SGCG: variants seen among roughly 807,000 people sequenced by gnomAD.
The protein encoded by SGCG is gamma-sarcoglycan.
SGCG carries 26 observed loss-of-function variants against 29.3 expected under a neutral mutation model. The ratio of observed to expected loss-of-function variants is 0.89; its 90% CI spans 0.65 to 1.23. SGCG has a LOEUF of 1.23. Ranked by LOEUF, SGCG falls within the 50% of genes most tolerant of loss-of-function variation. The pLI, the probability that SGCG is intolerant of heterozygous loss-of-function variation, is 0.00. For missense variants in SGCG, 353 were observed against 356.0 expected, an observed-to-expected ratio of 0.99 and a Z score of 0.07; for synonymous variants, 145 against 129.7, an observed-to-expected ratio of 1.12 and a Z score of -0.80.
intron 5 of SGCG, among the ~76,000 whole-genome samples, chr13:23,286,560 C>A (rs1419410244): frequency 6.6e-6 from 1 of 152,212 alleles, no homozygotes; most frequent in South Asian, 2.1e-4. Context: ...CCAGGGGATA[C>A]CTCAAGCTGC....
Position 23,251,693 on chromosome 13 carries a change from G to A in SGCG, c.385+976G>A, listed in dbSNP as rs530326227. Among the ~76,000 whole-genome samples the A allele has an allele frequency of 5.9e-5, 9 of 152,180 alleles. No individual in the cohort carries two copies. In the East Asian group the frequency reaches 1.2e-3, roughly 20 times the overall value. On this transcript the variant is annotated intron_variant, in intron 4 of 7. Coordinates refer to ENST00000218867, the MANE Select transcript of SGCG (RefSeq NM_000231.3). ...GAGTCTGAGACAGGGAGGATCACTC[G>A]AGCCTAGGAATTCAATTCTGTGGTG...
At chr13:23,228,984 C>G (rs1241076045) in intron 2 of SGCG, among the ~76,000 whole-genome samples, 1 of 152,214 alleles carries the variant, frequency 6.6e-6, no homozygotes, top group Non-Finnish European at 1.5e-5. Context: ...GATTCTCCAG[C>G]CTCAGCCCCC....
In SGCG at chr13:23,288,356, C is replaced by G. The variant is rs189439938; in HGVS notation, c.506-7059C>G. On this transcript the variant is annotated intron_variant, in intron 5 of 7. Coordinates refer to ENST00000218867, the MANE Select transcript of SGCG (RefSeq NM_000231.3). ...GGTGAAAGGGGAAGATAAGGTGGCT[C>G]TCTCCTTAAGATGGTGCACTCGAAA... Among the ~76,000 whole-genome samples the G allele has an allele frequency of 1.1e-3, 171 of 152,222 alleles. 1 individual carries two copies. The highest frequency in any genetic ancestry group is 2.1e-3 in the Non-Finnish European group (146 of 68,034).
intron 6 of SGCG, among the ~76,000 whole-genome samples, chr13:23,312,144 C>T (rs1220618490): frequency 6.6e-6 from 1 of 152,162 alleles, no homozygotes; most frequent in Non-Finnish European, 1.5e-5. Context: ...CAATTTATTG[C>T]ATCTAGATTC....
At chr13:23,254,539 AG>A (rs1161158305) in intron 4 of SGCG, among the ~76,000 whole-genome samples, 1 of 152,236 alleles carries the variant, frequency 6.6e-6, no homozygotes, top group Non-Finnish European at 1.5e-5. Flanking sequence ...TATATTTAAA[AG>A]GGAAGCAGAG....
At chr13:23,319,299 CAA>C (rs5802229) in intron 6 of SGCG, among the ~76,000 whole-genome samples, 4 of 132,712 alleles carry the variant, frequency 3.0e-5, no homozygotes, top group Admixed American at 7.6e-5. Flanking sequence ...GACTCCGTCT[CAA>C]AAAAAAAAAA....
At chr13:23,223,280 A>T (rs1211604127) in intron 2 of SGCG, among the ~76,000 whole-genome samples, 3 of 26,548 alleles carry the variant, frequency 1.1e-4, no homozygotes, top group African/African-American at 2.1e-4. Context: ...CTGTCACAAA[A>T]AAAAAAAAAA....
chr13:23,310,302 G>A (rs1398396595), intron 6 of SGCG, among the ~76,000 whole-genome samples: 4 of 151,882 alleles, frequency 2.6e-5, no homozygotes, highest in Non-Finnish European at 5.9e-5. Flanking sequence ...TAGCCAGGGT[G>A]GTCTCGATCT....
intron 4 of SGCG, among the ~76,000 whole-genome samples, chr13:23,253,838 T>C (rs1264567132): frequency 6.6e-6 from 1 of 152,172 alleles, no homozygotes; most frequent in Non-Finnish European, 1.5e-5. Context: ...TCTGGTTGTT[T>C]AAAAGAGTCT....
At chr13:23,228,617 C>T (rs976195565) in intron 2 of SGCG, among the ~76,000 whole-genome samples, 6 of 152,206 alleles carry the variant, frequency 3.9e-5, no homozygotes, top group East Asian at 1.9e-4. Flanking sequence ...TCTCCCTCCT[C>T]CCACCCTCCA....
chr13:23,162,051 A>G, the SGCG span, among the ~76,000 whole-genome samples: 1 of 152,260 alleles, frequency 6.6e-6, no homozygotes, highest in Admixed American at 6.5e-5. Context: ...TACATAACAG[A>G]CTATAAAATC....
chr13:23,269,290 T>C (rs915759890), intron 4 of SGCG: 9 of 152,210 alleles, frequency 5.9e-5, no homozygotes, highest in African/African-American at 2.2e-4. Context: ...AAACCACAGT[T>C]TGTAAAAAGA....
intron 5 of SGCG, among the ~76,000 whole-genome samples, chr13:23,286,308 G>A (rs2137629140): frequency 6.6e-6 from 1 of 152,336 alleles, no homozygotes; most frequent in African/African-American, 2.4e-5. Flanking sequence ...GGTTTAGGAA[G>A]TCAGAAATGA....
rs1470848763 is a variant in SGCG at position 23,200,656 on chromosome 13, T to C, written c.1-3039T>C. On this transcript the variant is annotated intron_variant, in intron 1 of 7. Coordinates refer to ENST00000218867, the MANE Select transcript of SGCG (RefSeq NM_000231.3). ...AAAATATGTAGTATGCCTGGGGAGT[T>C]AAGTGCTACAGAAGAAAAAATGTCA... Among the ~76,000 whole-genome samples the C allele has an allele frequency of 2.6e-5, 4 of 151,980 alleles. No homozygotes were observed. In the East Asian group the frequency reaches 5.8e-4, roughly 22 times the overall value.
At chr13:23,266,335 A>G (rs1880641810) in intron 4 of SGCG, among the ~76,000 whole-genome samples, 1 of 152,066 alleles carries the variant, frequency 6.6e-6, no homozygotes, top group Non-Finnish European at 1.5e-5. Flanking sequence ...GTGTGTGGAT[A>G]TATACACCAT....
chr13:23,184,372 GT>G (rs10716635), intron 1 of SGCG, among the ~76,000 whole-genome samples: 146,849 of 147,978 alleles, frequency 0.99, 72,867 homozygotes, highest in East Asian at 1. Flanking sequence ...CAAATTGAAG[GT>G]TTTTTTTTTT....
At chr13:23,239,312 C>T (rs536943364) in intron 3 of SGCG, among the ~76,000 whole-genome samples, 1 of 152,172 alleles carries the variant, frequency 6.6e-6, no homozygotes, top group Admixed American at 6.5e-5. Flanking sequence ...CCAGAAGACA[C>T]TGAAGCACCG....
intron 4 of SGCG, among the ~76,000 whole-genome samples, chr13:23,252,482 G>T (rs997657547): frequency 7.2e-5 from 11 of 151,980 alleles, no homozygotes; most frequent in Non-Finnish European, 1.5e-4. Flanking sequence ...ATGAGGTCAG[G>T]AGATCAAGAC....
At chr13:23,228,064 A>G (rs978442073) in intron 2 of SGCG, among the ~76,000 whole-genome samples, 3 of 151,704 alleles carry the variant, frequency 2.0e-5, no homozygotes, top group Non-Finnish European at 2.9e-5. Flanking sequence ...GCCCACCTAG[A>G]CCTCCCAAAA....
Sources: allele counts gnomAD v4.1 joint callset (sites outside exome capture counted in the v4.1 genomes callset), GRCh38; gene constraint gnomAD v4.1.1; transcripts MANE v1.5; gene names NCBI Gene and HGNC (gene_info 2026-07-23, HGNC 2026-07-21).